MDGA2: variants seen among roughly 807,000 people sequenced by gnomAD.
The protein encoded by MDGA2 is MAM domain containing glycosylphosphatidylinositol anchor 2, also known as MAM domain-containing glycosylphosphatidylinositol anchor protein 2.
A neutral mutation model predicts 117.8 loss-of-function variants in MDGA2; 40 were observed. The ratio of observed to expected loss-of-function variants is 0.34; its 90% CI spans 0.26 to 0.44. The LOEUF is 0.44. Among genes scored for constraint, MDGA2 ranks in the 20% least tolerant of loss-of-function variants. MDGA2 has a pLI of 1.00. For missense variants in MDGA2, 1,123 were observed against 1,250.6 expected (o/e 0.90, Z 1.54); for synonymous variants, 452 against 439.0 (o/e 1.03, Z -0.37).
chr14:47,665,736 G>T (rs1324417065), intron 1 of MDGA2, among the ~76,000 whole-genome samples: 2 of 131,250 alleles, frequency 1.5e-5, no homozygotes, highest in African/African-American at 5.0e-5. Context: ...CACTGCACTT[G>T]ATTTCTTGTC....
intron 1 of MDGA2, among the ~76,000 whole-genome samples, chr14:47,579,958 A>G (rs1168936384): frequency 1.3e-5 from 2 of 152,094 alleles, no homozygotes; most frequent in East Asian, 3.9e-4. Context: ...TTTACATCTA[A>G]TTTACATAGT....
intron 1 of MDGA2, among the ~76,000 whole-genome samples, chr14:47,401,597 T>G (rs1892150851): frequency 6.6e-6 from 1 of 152,208 alleles, no homozygotes; most frequent in Non-Finnish European, 1.5e-5. Flanking sequence ...AACTGTGAGT[T>G]TGGGTGATGA....
intron 1 of MDGA2, among the ~76,000 whole-genome samples, chr14:47,371,039 T>C (rs1406224473): frequency 6.6e-6 from 1 of 151,820 alleles, no homozygotes; most frequent in African/African-American, 2.4e-5. Context: ...AAAAACATAC[T>C]AATAAAACGA....
At chr14:46,963,957 T>C (rs780271015) in intron 8 of MDGA2, among the ~76,000 whole-genome samples, 1 of 152,222 alleles carries the variant, frequency 6.6e-6, no homozygotes, top group East Asian at 1.9e-4. Context: ...CTGGAGTTTA[T>C]GTTCATTTCA....
chr14:46,907,314 T>C (rs965216607), intron 10 of MDGA2, among the ~76,000 whole-genome samples: 3 of 152,154 alleles, frequency 2.0e-5, no homozygotes, highest in Non-Finnish European at 4.4e-5. Context: ...GTTGTGGATT[T>C]TGCATTTTCA....
intron 9 of MDGA2, among the ~76,000 whole-genome samples, chr14:46,956,614 C>A (rs1885570634): frequency 1.3e-5 from 2 of 150,540 alleles, no homozygotes; most frequent in Admixed American, 6.6e-5. Context: ...ATAAGAAAAC[C>A]AGAGCAATTA....
At chr14:47,086,299 A>T (rs1890898478) in intron 6 of MDGA2, among the ~76,000 whole-genome samples, 2 of 151,984 alleles carry the variant, frequency 1.3e-5, no homozygotes. Context: ...AAAATTAAGA[A>T]ATTATCCTAT....
intron 8 of MDGA2, among the ~76,000 whole-genome samples, chr14:46,988,157 T>A (rs1886937620): frequency 6.6e-6 from 1 of 152,156 alleles, no homozygotes; most frequent in African/African-American, 2.4e-5. Flanking sequence ...GTATTTTTTT[T>A]TCTTCTCTCT....
chr14:47,062,646 T>C (rs1007206816), intron 6 of MDGA2, among the ~76,000 whole-genome samples: 1 of 151,922 alleles, frequency 6.6e-6, no homozygotes, highest in Non-Finnish European at 1.5e-5. Flanking sequence ...AAATATGTAA[T>C]GATATTGTCA....
At chr14:47,603,318 AC>A (rs1896681727) in intron 1 of MDGA2, among the ~76,000 whole-genome samples, 1 of 152,146 alleles carries the variant, frequency 6.6e-6, no homozygotes, top group Non-Finnish European at 1.5e-5. Flanking sequence ...ATGCTTTATT[AC>A]ACGAATAGAT....
intron 9 of MDGA2, among the ~76,000 whole-genome samples, chr14:46,940,603 G>A (rs561200537): frequency 6.8e-6 from 1 of 148,030 alleles, no homozygotes; most frequent in South Asian, 2.2e-4. Flanking sequence ...ACTACAGCCT[G>A]GGTGACAGAG....
At chr14:47,528,605 G>A (rs187877557) in intron 1 of MDGA2, among the ~76,000 whole-genome samples, 30 of 152,208 alleles carry the variant, frequency 2.0e-4, no homozygotes, top group Admixed American at 2.6e-4. Flanking sequence ...ACATATTATG[G>A]CAACAACATT....
At chr14:47,375,114 T>C (rs1380435670) in intron 1 of MDGA2, among the ~76,000 whole-genome samples, 1 of 151,740 alleles carries the variant, frequency 6.6e-6, no homozygotes, top group Non-Finnish European at 1.5e-5. Flanking sequence ...TTTAGAAAAC[T>C]ATAAAAATAG....
chr14:47,618,130 G>T (rs1452154040), intron 1 of MDGA2, among the ~76,000 whole-genome samples: 2 of 152,072 alleles, frequency 1.3e-5, no homozygotes, highest in East Asian at 1.9e-4. Flanking sequence ...AGGGAGACAA[G>T]GATAAACATA....
chr14:47,286,813 ATATATATATATACATATATATATG>A (rs1888694529), intron 2 of MDGA2, among the ~76,000 whole-genome samples: 2 of 117,304 alleles, frequency 1.7e-5, no homozygotes, highest in Admixed American at 1.7e-4. Flanking sequence ...TTATATATAT[ATATATATATATACATATATATATG>A]TATATATATA....
chr14:46,987,471 T>G (rs1016257588), intron 8 of MDGA2, among the ~76,000 whole-genome samples: 1 of 152,106 alleles, frequency 6.6e-6, no homozygotes, highest in African/African-American at 2.4e-5. Context: ...TTTATAGGTA[T>G]TCCTCCTTTA....
chr14:47,262,493 T>C (rs75324743), intron 2 of MDGA2, among the ~76,000 whole-genome samples: 4,386 of 152,306 alleles, frequency 0.029, 152 homozygotes, highest in East Asian at 0.18. Flanking sequence ...TATTAAATAG[T>C]ATGTGCATTG....
intron 1 of MDGA2, among the ~76,000 whole-genome samples, chr14:47,632,207 C>A (rs1316685123): frequency 6.6e-6 from 1 of 152,174 alleles, no homozygotes; most frequent in Non-Finnish European, 1.5e-5. Flanking sequence ...CATCCTCCTG[C>A]ACAAAATTTT....
intron 8 of MDGA2, among the ~76,000 whole-genome samples, chr14:46,963,616 T>C (rs886732669): frequency 2.0e-5 from 3 of 152,234 alleles, no homozygotes; most frequent in Non-Finnish European, 4.4e-5. Flanking sequence ...GGTCTTTCAA[T>C]AGCTGGCTCA....
Sources: gnomAD v4.1 joint callset for allele counts (sites outside exome capture counted in the v4.1 genomes callset) on GRCh38, gnomAD v4.1.1 for gene constraint, MANE v1.5 for transcripts, NCBI Gene and HGNC (gene_info 2026-07-23, HGNC 2026-07-21) for gene names.